The following B3GAT2 variants were observed in gnomAD, a reference collection of about 807,000 sequenced individuals.
B3GAT2 encodes galactosylgalactosylxylosylprotein 3-beta-glucuronosyltransferase 2.
A neutral mutation model predicts 27.8 loss-of-function variants in B3GAT2; 26 were observed. That is an observed-to-expected ratio of 0.93 (90% CI 0.68 to 1.30). The LOEUF is 1.30. B3GAT2 is among the 50% of genes most tolerant of loss of function. The pLI is 0.00. For synonymous variants in B3GAT2, 218 were observed against 195.1 expected, an observed-to-expected ratio of 1.12 and a Z score of -0.98; for missense variants, 458 against 459.0, an observed-to-expected ratio of 1.00 and a Z score of 0.02.
chr6:70,931,586 G>A lies in B3GAT2; in HGVS notation c.591+24253C>T, dbSNP rs184483452. Among the ~76,000 whole-genome samples the A allele has an allele frequency of 4.6e-5, 7 of 152,176 alleles. No individual in the cohort carries two copies. The East Asian group carries it at 7.7e-4, about 17-fold the overall frequency. ...GTGACTTCCACTGAGATCATTCAAC[G>A]GAAGAAAGAAGAGTCTTTTTGACAA... On this transcript the variant is annotated intron_variant, in intron 1 of 3. Coordinates refer to ENST00000230053, the MANE Select transcript of B3GAT2 (RefSeq NM_080742.3).
chr6:70,944,435 G>GTTCGGAGGGTCCTA (rs537973758), intron 1 of B3GAT2, among the ~76,000 whole-genome samples: 3 of 151,576 alleles, frequency 2.0e-5, no homozygotes, highest in Non-Finnish European at 3.0e-5. Context: ...CCCACACATG[G>GTTCGGAGGGTCCTA]CGCCCACGGA....
chr6:70,891,993 CAAT>C (rs1772297869), intron 2 of B3GAT2, among the ~76,000 whole-genome samples: 1 of 152,056 alleles, frequency 6.6e-6, no homozygotes, highest in African/African-American at 2.4e-5. Context: ...CCAAAAATAT[CAAT>C]AATTTACTGA....
At chr6:70,898,556 T>G (rs900129176) in intron 1 of B3GAT2, among the ~76,000 whole-genome samples, 3 of 152,190 alleles carry the variant, frequency 2.0e-5, no homozygotes, top group Non-Finnish European at 4.4e-5. Flanking sequence ...TGGCTTTATA[T>G]ATAAGGCAAT....
At chr6:70,871,199 GGTCT>G (rs1458840831) in intron 2 of B3GAT2, among the ~76,000 whole-genome samples, 2 of 145,452 alleles carry the variant, frequency 1.4e-5, no homozygotes, top group Non-Finnish European at 3.0e-5. Context: ...AAGGGATATA[GGTCT>G]GTCTGTTTTT....
rs780210019 is a variant in B3GAT2 at position 70,894,213 on chromosome 6, G to A, written c.651C>T (p.Tyr217=). The part of the protein sequence containing the change: ...WPVGLVGGRR[Y]ERPLVENGKV... ...TGCCGTTTTCCACCAGCGGACGTTC[G>A]TAGCGCCGCCCACCAACCAGGCCCA... Residue 217 remains tyrosine, a synonymous_variant, in exon 2 of 4, where the codon TAC becomes TAT. Coordinates refer to ENST00000230053, the MANE Select transcript of B3GAT2 (RefSeq NM_080742.3). 1.2e-5 allele frequency: 19 copies of A among 1,613,714 alleles called. No individual in the cohort carries two copies. Among genetic ancestry groups the A allele is most frequent in the Admixed American group, 3.3e-5 (2 of 59,990 alleles).
chr6:70,935,022 A>T (rs1773120226), intron 1 of B3GAT2, among the ~76,000 whole-genome samples: 1 of 152,244 alleles, frequency 6.6e-6, no homozygotes, highest in South Asian at 2.1e-4. Flanking sequence ...ATAAAACTTT[A>T]AATTCTATCT....
At chr6:70,890,685 C>T (rs1049890428) in intron 2 of B3GAT2, among the ~76,000 whole-genome samples, 1 of 152,176 alleles carries the variant, frequency 6.6e-6, no homozygotes, top group Non-Finnish European at 1.5e-5. Context: ...GCGTGGGGGG[C>T]ATGTGAAATA....
Position 70,861,736 on chromosome 6 carries a change from T to C in B3GAT2, c.899A>G (p.His300Arg). The change falls in exon 4 of 4, where the codon CAC becomes CGC. Residue 300 changes from histidine to arginine, a missense_variant. Coordinates refer to ENST00000230053, the MANE Select transcript of B3GAT2 (RefSeq NM_080742.3). Reference protein sequence around the residue: ...ANNCTKVLVWHTRTEKVNLAN... With the variant: ...ANNCTKVLVWRTRTEKVNLAN... The stretch of plus-strand genomic sequence containing the variant: ...TAGATTAACCTTCTCTGTCCGAGTG[T>C]GCCACACGAGAACCTGAAGGGGAAG... 1 of 1,614,108 alleles carries C rather than the reference T, an allele frequency of 6.2e-7. No homozygotes were observed. The highest frequency in any genetic ancestry group is 8.5e-7 in the Non-Finnish European group (1 of 1,179,982).
chr6:70,903,835 T>C (rs192447508), intron 1 of B3GAT2, among the ~76,000 whole-genome samples: 63 of 152,232 alleles, frequency 4.1e-4, no homozygotes, highest in Non-Finnish European at 7.4e-4. Context: ...AAAAAATTGG[T>C]AGTTTCCTAT....
intron 1 of B3GAT2, among the ~76,000 whole-genome samples, chr6:70,943,236 G>A (rs1478746460): frequency 1.3e-5 from 2 of 152,124 alleles, no homozygotes; most frequent in Non-Finnish European, 2.9e-5. Context: ...CCTAATCTCA[G>A]AAGAAATCGG....
Position 70,861,330 on chromosome 6 carries a change from CAATTAT to C in B3GAT2, c.*327_*332del, listed in dbSNP as rs1270172820. ...AGTCTACCAACCTGTTCAAGTCTACCAATTATAAGGGCAAATTGGAGAAAAAGAAAA... is the reference window on the plus strand; with the variant it reads ...AGTCTACCAACCTGTTCAAGTCTACCAAGGGCAAATTGGAGAAAAAGAAAA... On this transcript the variant is annotated 3_prime_UTR_variant, in exon 4 of 4. Coordinates refer to ENST00000230053, the MANE Select transcript of B3GAT2 (RefSeq NM_080742.3). 1 of 225,944 alleles carries C rather than the reference CAATTAT, an allele frequency of 4.4e-6. No individual in the cohort carries two copies. The highest frequency in any genetic ancestry group is 2.2e-5 in the African/African-American group (1 of 44,586). The allele number at this position is 225,944 out of a possible 1,614,324, so 14.0% of individuals were successfully genotyped here.
At chr6:70,945,109 C>G (rs1023708660) in intron 1 of B3GAT2, among the ~76,000 whole-genome samples, 5 of 152,038 alleles carry the variant, frequency 3.3e-5, no homozygotes, top group South Asian at 2.1e-4. Flanking sequence ...TAGATAAAAC[C>G]ACAAAGATGG....
chr6:70,907,375 C>T (rs1169840838), intron 1 of B3GAT2, among the ~76,000 whole-genome samples: 1 of 152,166 alleles, frequency 6.6e-6, no homozygotes, highest in Non-Finnish European at 1.5e-5. Context: ...AGGAAGAGAA[C>T]CAGCCTGAAG....
At chr6:70,862,209 G>A (rs752968713) in intron 2 of B3GAT2, among the ~76,000 whole-genome samples, 8 of 152,064 alleles carry the variant, frequency 5.3e-5, no homozygotes, top group East Asian at 1.9e-4. Flanking sequence ...GAGCATCTAC[G>A]CAAAATAGGA....
chr6:70,935,953 C>A (rs1386589086), intron 1 of B3GAT2, among the ~76,000 whole-genome samples: 2 of 151,508 alleles, frequency 1.3e-5, no homozygotes, highest in Admixed American at 6.6e-5. Flanking sequence ...AAGACACAGA[C>A]TGGCAAATTG....
Position 70,956,331 on chromosome 6 carries a change from C to T in B3GAT2, c.99G>A (p.Pro33=), listed in dbSNP as rs746848628. Residue 33 remains proline, a synonymous_variant, in exon 1 of 4, where the codon CCG becomes CCA. Transcript: ENST00000230053. ...LDVDTRRPVP[P]LTPRPYFSPY... ...GAGAGAAGTAGGGGCGCGGGGTGAG[C>T]GGGGGCACTGGCCTGCGCGTGTCCA... The T allele has an allele frequency of 3.8e-6, 6 of 1,579,620 alleles. No homozygotes were observed. The highest frequency in any genetic ancestry group is 5.2e-6 in the Non-Finnish European group (6 of 1,162,370).
At chr6:70,876,721 T>C (rs1393363372) in intron 2 of B3GAT2, among the ~76,000 whole-genome samples, 4 of 152,202 alleles carry the variant, frequency 2.6e-5, no homozygotes, top group Non-Finnish European at 4.4e-5. Context: ...ATTCAGAAGC[T>C]CTTTAGGGGC....
intron 2 of B3GAT2, among the ~76,000 whole-genome samples, chr6:70,887,185 A>G (rs1006456098): frequency 1.3e-5 from 2 of 152,222 alleles, no homozygotes; most frequent in Admixed American, 1.3e-4. Flanking sequence ...AACGTCATTA[A>G]TTTTGACTGC....
intron 2 of B3GAT2, among the ~76,000 whole-genome samples, chr6:70,866,295 G>A (rs1033635440): frequency 2.6e-5 from 4 of 152,110 alleles, no homozygotes; most frequent in African/African-American, 9.7e-5. Flanking sequence ...AGGCTGAGAT[G>A]GTTTTGCCTA....
Sources: allele counts gnomAD v4.1 joint callset (sites outside exome capture counted in the v4.1 genomes callset), GRCh38; gene constraint gnomAD v4.1.1; transcripts MANE v1.5; gene names NCBI Gene and HGNC (gene_info 2026-07-23, HGNC 2026-07-21).